The following MDFIC2 variants were observed in gnomAD, a reference collection of about 807,000 sequenced individuals.
MDFIC2 encodes the protein myoD family inhibitor domain-containing protein 2.
chr3:70,311,475 C>T (rs895543516), intron 2 of MDFIC2, among the ~76,000 whole-genome samples: 3 of 152,140 alleles, frequency 2.0e-5, no homozygotes, highest in African/African-American at 7.2e-5. Flanking sequence ...AATGGTGATT[C>T]TATTTGTAGA....
chr3:70,237,075 C>T (rs1411795284), intron 2 of MDFIC2, among the ~76,000 whole-genome samples: 2 of 151,936 alleles, frequency 1.3e-5, no homozygotes, highest in Non-Finnish European at 2.9e-5. Context: ...TATTTGGTTC[C>T]GTATTATCAG....
chr3:70,296,806 G>T (rs79437179), intron 2 of MDFIC2, among the ~76,000 whole-genome samples: 139 of 152,080 alleles, frequency 9.1e-4, no homozygotes, highest in Non-Finnish European at 1.7e-3. Flanking sequence ...CTACTCTTCA[G>T]CCCACACTGT....
chr3:70,199,610 A>G (rs1396022721), intron 3 of MDFIC2, among the ~76,000 whole-genome samples: 2 of 152,174 alleles, frequency 1.3e-5, no homozygotes, highest in Admixed American at 6.5e-5. Context: ...CCTAAAAGGC[A>G]TGTTAAATAG....
At chr3:70,275,261 A>C (rs555288939) in intron 2 of MDFIC2, among the ~76,000 whole-genome samples, 2 of 152,260 alleles carry the variant, frequency 1.3e-5, no homozygotes, top group East Asian at 1.9e-4. Context: ...AGTGGCTTAC[A>C]CCTGTAATCT....
intron 2 of MDFIC2, among the ~76,000 whole-genome samples, chr3:70,296,326 A>T (rs902407866): frequency 3.9e-5 from 6 of 152,138 alleles, no homozygotes; most frequent in African/African-American, 1.4e-4. Context: ...CTTACTAAGT[A>T]AGAGACTGAA....
chr3:70,273,400 G>T (rs957065418), intron 2 of MDFIC2, among the ~76,000 whole-genome samples: 36 of 152,300 alleles, frequency 2.4e-4, no homozygotes, highest in East Asian at 1.9e-4. Context: ...AGTCTTAAAA[G>T]CTTCAGGATG....
chr3:70,304,953 A>C (rs1702385643), intron 2 of MDFIC2, among the ~76,000 whole-genome samples: 1 of 151,490 alleles, frequency 6.6e-6, no homozygotes. Flanking sequence ...TCTGAGCTGT[A>C]CTATCTTTGC....
At chr3:70,293,045 C>CAAAAAAAAA (rs55990203) in intron 2 of MDFIC2, among the ~76,000 whole-genome samples, 2 of 74,818 alleles carry the variant, frequency 2.7e-5, no homozygotes, top group Non-Finnish European at 2.9e-5. Flanking sequence ...TGGTTTGAAG[C>CAAAAAAAAA]AAAAAAAAAA....
intron 2 of MDFIC2, among the ~76,000 whole-genome samples, chr3:70,277,587 A>G (rs1026167103): frequency 6.6e-6 from 1 of 152,192 alleles, no homozygotes; most frequent in African/African-American, 2.4e-5. Context: ...GCCTAATGCA[A>G]GCAATAATGC....
At chr3:70,211,639 CCCTTTG>C (rs1417305745) in intron 2 of MDFIC2, among the ~76,000 whole-genome samples, 1 of 117,224 alleles carries the variant, frequency 8.5e-6, no homozygotes, top group African/African-American at 3.2e-5. Context: ...CCCTTCCCTT[CCCTTTG>C]CCTTTCCCTT....
At chr3:70,281,721 T>C (rs762776232) in intron 2 of MDFIC2, among the ~76,000 whole-genome samples, 8 of 152,160 alleles carry the variant, frequency 5.3e-5, no homozygotes, top group Non-Finnish European at 5.9e-5. Flanking sequence ...AGTGAACTCC[T>C]TCTCGTCTTT....
chr3:70,266,559 G>GGACT, intron 2 of MDFIC2, among the ~76,000 whole-genome samples: 1 of 151,778 alleles, frequency 6.6e-6, no homozygotes, highest in East Asian at 1.9e-4. Flanking sequence ...CGAGTAGCTG[G>GGACT]GACTACAGGC....
intron 2 of MDFIC2, among the ~76,000 whole-genome samples, chr3:70,302,121 A>G (rs1290444148): frequency 6.6e-6 from 1 of 152,138 alleles, no homozygotes; most frequent in African/African-American, 2.4e-5. Flanking sequence ...TGGCAAAACT[A>G]CTGTCATTGC....
chr3:70,295,402 G>A (rs982105653), intron 2 of MDFIC2, among the ~76,000 whole-genome samples: 3 of 152,024 alleles, frequency 2.0e-5, no homozygotes, highest in African/African-American at 7.2e-5. Flanking sequence ...ATTCCCAAAG[G>A]CTTACATACC....
intron 2 of MDFIC2, among the ~76,000 whole-genome samples, chr3:70,306,189 C>T (rs1056716079): frequency 3.3e-5 from 5 of 152,092 alleles, no homozygotes; most frequent in East Asian, 1.9e-4. Context: ...CTGCAACCTC[C>T]GCCTCCTAGT....
intron 2 of MDFIC2, chr3:70,291,228 C>G (rs1016884668): frequency 4.6e-5 from 7 of 152,144 alleles, no homozygotes; most frequent in African/African-American, 1.2e-4. Flanking sequence ...CTCCACCTAC[C>G]AGCTATTGAC....
intron 2 of MDFIC2, among the ~76,000 whole-genome samples, chr3:70,303,958 C>T (rs759753416): frequency 1.4e-4 from 21 of 152,198 alleles, no homozygotes; most frequent in Non-Finnish European, 2.8e-4. Flanking sequence ...GCTGGAATTA[C>T]AGGCATGAGC....
At chr3:70,200,497 A>G (rs1701226981) in intron 3 of MDFIC2, among the ~76,000 whole-genome samples, 1 of 152,182 alleles carries the variant, frequency 6.6e-6, no homozygotes, top group African/African-American at 2.4e-5. Flanking sequence ...CCTGCATTGC[A>G]CACCCTCCTG....
chr3:70,199,292 G>T (rs1450536875), intron 3 of MDFIC2, among the ~76,000 whole-genome samples: 2 of 152,052 alleles, frequency 1.3e-5, no homozygotes, highest in Non-Finnish European at 2.9e-5. Flanking sequence ...CAACCTTTTG[G>T]TTCAATTGCT....
Sources: allele counts gnomAD v4.1 joint callset (sites outside exome capture counted in the v4.1 genomes callset), GRCh38; gene constraint gnomAD v4.1.1; transcripts MANE v1.5; gene names NCBI Gene and HGNC (gene_info 2026-07-23, HGNC 2026-07-21).